The following CLDN14 variants were observed in gnomAD, a reference collection of about 807,000 sequenced individuals.
CLDN14 encodes the protein claudin-14.
In CLDN14, 2 loss-of-function variants were observed where a neutral mutation model predicts 2.1. The ratio of observed to expected loss-of-function variants is 0.96; its 90% CI spans 0.39 to 3.01. The LOEUF (loss-of-function observed/expected upper bound fraction) is 3.01, where lower values mean the gene tolerates loss of function less well. CLDN14 is among the 30% of genes most tolerant of loss of function. The probability of loss-of-function intolerance (pLI) is 0.09; values close to 1 mark genes in which losing one functional copy is unlikely to be tolerated. For missense variants in CLDN14, 298 were observed against 328.0 expected (o/e 0.91, Z 0.71); for synonymous variants, 136 against 154.4 (o/e 0.88, Z 0.88).
intron 1 of CLDN14, among the ~76,000 whole-genome samples, chr21:36,512,191 A>G (rs1468984897): frequency 6.6e-6 from 1 of 152,178 alleles, no homozygotes; most frequent in Admixed American, 6.5e-5. Flanking sequence ...CCTAGAAGAC[A>G]TCGCCAAAGG....
At position 36,555,261 on chromosome 21, in the gene CLDN14, C is replaced by A. The variant is rs143969990; in HGVS notation, c.-220+21150G>T. ...AAGCGAATTGCCAAGATATAGCAGG[C>A]TAAAACCGCCTTGGTTTTGCCAGAA... On this transcript the variant is annotated intron_variant, in intron 1 of 2. Transcript: ENST00000342108. 2.0e-3 allele frequency among the ~76,000 whole-genome samples: 298 copies of A among 151,338 alleles called. 1 individual carries two copies. Among genetic ancestry groups the A allele is most frequent in the African/African-American group, 6.5e-3 (268 of 41,282 alleles).
At chr21:36,537,509 A>T (rs1008222923) in intron 1 of CLDN14, among the ~76,000 whole-genome samples, 3 of 152,342 alleles carry the variant, frequency 2.0e-5, no homozygotes, top group African/African-American at 7.2e-5. Context: ...TTTTTTTAAA[A>T]ATTAATGTTA....
intron 1 of CLDN14, among the ~76,000 whole-genome samples, chr21:36,539,077 G>T (rs964126556): frequency 6.6e-6 from 1 of 152,222 alleles, no homozygotes; most frequent in Non-Finnish European, 1.5e-5. Flanking sequence ...TGATGGCTGG[G>T]AAGTCTCTGT....
intron 1 of CLDN14, among the ~76,000 whole-genome samples, chr21:36,539,401 AGT>A (rs376465738): frequency 2.8e-4 from 35 of 123,904 alleles, no homozygotes; most frequent in African/African-American, 1.1e-3. Context: ...GTGTGTGTGG[AGT>A]GTGTGTGGAG....
intron 1 of CLDN14, among the ~76,000 whole-genome samples, chr21:36,470,678 C>A (rs533878849): frequency 6.6e-6 from 1 of 152,292 alleles, no homozygotes; most frequent in Non-Finnish European, 1.5e-5. Flanking sequence ...CGGGGAATTA[C>A]AGAGAAAATG....
intron 1 of CLDN14, among the ~76,000 whole-genome samples, chr21:36,539,363 A>G (rs4817808): frequency 0.51 from 72,053 of 140,290 alleles, 19,263 homozygotes; most frequent in Middle Eastern, 0.67. Flanking sequence ...GAGTGAGTGT[A>G]TGTGCGGAGT....
intron 1 of CLDN14, among the ~76,000 whole-genome samples, chr21:36,541,773 G>T (rs541606611): frequency 1.3e-5 from 2 of 152,116 alleles, no homozygotes; most frequent in South Asian, 4.2e-4. Flanking sequence ...CTGTAGCAAG[G>T]GAATACTTTG....
chr21:36,528,347 T>C lies in CLDN14; in HGVS notation c.-219-17847A>G, dbSNP rs570359026. Among the ~76,000 whole-genome samples, 129 of 152,328 alleles carry C rather than the reference T, an allele frequency of 8.5e-4. 1 individual carries two copies. The highest frequency in any genetic ancestry group is 3.0e-3 in the African/African-American group (126 of 41,584). On this transcript the variant is annotated intron_variant, in intron 1 of 2. Transcript: ENST00000342108. ...AGGAATATTATCATCATCTTCCAGA[T>C]GTGGAAAGTGAGACAGTCCACGTCC...
chr21:36,485,128 G>A (rs1403668599), intron 2 of CLDN14, among the ~76,000 whole-genome samples: 1 of 151,572 alleles, frequency 6.6e-6, no homozygotes, highest in Admixed American at 6.6e-5. Context: ...TGCATTTTGG[G>A]GGACAGACTT....
Position 36,513,938 on chromosome 21 carries a change from C to A in CLDN14, c.-219-3438G>T, listed in dbSNP as rs570065830. On this transcript the variant is annotated intron_variant, in intron 1 of 2. Coordinates refer to the CLDN14 transcript ENST00000342108. ...CCTTGACCTCCCGGGCTCAAGCAAT[C>A]GTCCCATCTCAGCCTCCCCAAGTAC... is the stretch of plus-strand genomic sequence containing the variant. 6.6e-5 allele frequency among the ~76,000 whole-genome samples: 10 copies of A among 152,270 alleles called. No homozygotes were observed. The South Asian group carries it at 2.1e-3, about 32-fold the overall frequency.
intron 1 of CLDN14, among the ~76,000 whole-genome samples, chr21:36,563,470 A>G (rs1235571076): frequency 6.6e-6 from 1 of 151,896 alleles, no homozygotes; most frequent in African/African-American, 2.4e-5. Context: ...CATGGGTCTG[A>G]GGTTAGGATA....
chr21:36,527,957 A>G (rs575715437), intron 1 of CLDN14, among the ~76,000 whole-genome samples: 2 of 152,308 alleles, frequency 1.3e-5, no homozygotes, highest in East Asian at 3.9e-4. Flanking sequence ...AGGCGAGGAC[A>G]AAAGTATTAG....
intron 1 of CLDN14, among the ~76,000 whole-genome samples, chr21:36,546,554 GCCTTTA>G (rs1332177648): frequency 6.6e-6 from 1 of 152,054 alleles, no homozygotes; most frequent in Non-Finnish European, 1.5e-5. Flanking sequence ...TCTAGCAACT[GCCTTTA>G]CCTTCTTTCC....
intron 1 of CLDN14, among the ~76,000 whole-genome samples, chr21:36,533,940 C>T (rs13046506): frequency 0.47 from 72,052 of 151,970 alleles, 19,341 homozygotes; most frequent in Middle Eastern, 0.61. Flanking sequence ...TAAACCTCCA[C>T]GGCACAAGTT....
chr21:36,510,457 C>T (rs983659809), exon 2 of CLDN14: 1 of 152,314 alleles, frequency 6.6e-6, no homozygotes, highest in Non-Finnish European at 1.5e-5. Context: ...TTCAACAGTT[C>T]TTGACTTCTT....
intron 1 of CLDN14, among the ~76,000 whole-genome samples, chr21:36,567,284 T>A (rs1192554404): frequency 1.3e-5 from 2 of 152,230 alleles, no homozygotes; most frequent in Admixed American, 1.3e-4. Context: ...TGTTTTGCAA[T>A]CTGCCCTTGG....
In CLDN14 at chr21:36,461,739, C is replaced by A. The variant is rs1253132523; in HGVS notation, c.-44G>T. ...GGCCAGCCGGGCAGCTCCCTGGGCCCTCGGGGTCACGCCGCTCCTCAGGTG... is the reference window on the plus strand; with the variant it reads ...GGCCAGCCGGGCAGCTCCCTGGGCCATCGGGGTCACGCCGCTCCTCAGGTG... On this transcript the variant is annotated 5_prime_UTR_variant, in exon 2 of 2. The change creates a new upstream start codon in the 5' untranslated region. Transcript: ENST00000399135. The A allele has an allele frequency of 6.5e-7, 1 of 1,540,758 alleles. No homozygotes were observed. The highest frequency in any genetic ancestry group is 1.2e-5 in the South Asian group (1 of 83,740).
intron 2 of CLDN14, among the ~76,000 whole-genome samples, chr21:36,509,885 G>A (rs539529282): frequency 3.4e-4 from 52 of 152,136 alleles, no homozygotes; most frequent in Admixed American, 5.2e-4. Context: ...TGAGCCACCC[G>A]CGCCTGGCCC....
intron 1 of CLDN14, among the ~76,000 whole-genome samples, chr21:36,553,897 C>T (rs1212492426): frequency 6.6e-6 from 1 of 152,102 alleles, no homozygotes; most frequent in Non-Finnish European, 1.5e-5. Flanking sequence ...TCTGTTTAGC[C>T]ACCGCCCTGA....
Sources: gnomAD v4.1 joint callset for allele counts (sites outside exome capture counted in the v4.1 genomes callset) on GRCh38, gnomAD v4.1.1 for gene constraint, MANE v1.5 for transcripts, NCBI Gene and HGNC (gene_info 2026-07-23, HGNC 2026-07-21) for gene names.